Variants in VEZT observed in about 807,000 individuals in gnomAD.
The protein encoded by VEZT is vezatin, adherens junctions transmembrane protein.
In VEZT, 39 loss-of-function variants were observed where a neutral mutation model predicts 79.9. That is an observed-to-expected ratio of 0.49 (90% CI 0.38 to 0.64). The LOEUF is 0.64. Among genes scored for constraint, VEZT ranks in the 30% least tolerant of loss-of-function variants. The pLI is 0.00. For synonymous variants in VEZT, 325 were observed against 327.6 expected, an observed-to-expected ratio of 0.99 and a Z score of 0.09; for missense variants, 837 against 893.1, an observed-to-expected ratio of 0.94 and a Z score of 0.80.
intron 3 of VEZT, chr12:95,258,216 C>T (rs994693563): frequency 1.8e-5 from 8 of 455,688 alleles, no homozygotes; most frequent in Middle Eastern, 3.2e-4. Context: ...AGTGTCTTAT[C>T]GTCTACATAT....
chr12:95,241,088 T>TGCAGTGGCGCTATCTCAGCTGCAGC (rs2060948494), intron 1 of VEZT, among the ~76,000 whole-genome samples: 1 of 152,062 alleles, frequency 6.6e-6, no homozygotes, highest in Non-Finnish European at 1.5e-5. Flanking sequence ...CAGGCTGGAG[T>TGCAGTGGCGCTATCTCAGCTGCAGC]GCAGTGGCGC....
chr12:95,224,144 A>C lies in VEZT; in HGVS notation c.36+6258A>C, dbSNP rs187439887. On this transcript the variant is annotated intron_variant, in intron 1 of 11. Transcript: ENST00000436874. Reference sequence around the variant, plus strand: ...TTCCACCCTGATCATTATGGACTGCATCACTGCATTCCCTTGTCCTCTGGG... The same window carrying C: ...TTCCACCCTGATCATTATGGACTGCCTCACTGCATTCCCTTGTCCTCTGGG... 26 of 456,036 alleles carry C rather than the reference A, an allele frequency of 5.7e-5. 1 individual carries two copies. In the Admixed American group the frequency reaches 6.1e-4, roughly 11 times the overall value. The allele number at this position is 456,036 out of a possible 1,614,324, so 28.2% of individuals were successfully genotyped here. A position where few individuals can be genotyped will look rare whatever the true frequency, so the allele number is the denominator to read the frequency against.
chr12:95,237,309 A>G (rs116312579), intron 1 of VEZT, among the ~76,000 whole-genome samples: 7,060 of 152,246 alleles, frequency 0.046, 234 homozygotes, highest in Middle Eastern at 0.12. Flanking sequence ...AGGCTTGTAC[A>G]TAAAAAAAAA....
chr12:95,250,505 G>A (rs1477516529), intron 1 of VEZT, among the ~76,000 whole-genome samples: 2 of 151,644 alleles, frequency 1.3e-5, no homozygotes, highest in East Asian at 3.9e-4. Context: ...GTTTCACCAT[G>A]TTGGCCAGGC....
chr12:95,280,174 A>T (rs1225724633), intron 7 of VEZT, among the ~76,000 whole-genome samples: 1 of 152,112 alleles, frequency 6.6e-6, no homozygotes, highest in Non-Finnish European at 1.5e-5. Context: ...AGCAGACAGT[A>T]TGGGCCTGTT....
chr12:95,300,124 CTTAG>C, intron 11 of VEZT, 37 bp from the exon 12 acceptor site: 1 of 1,220,348 alleles, frequency 8.2e-7, no homozygotes, highest in Non-Finnish European at 1.1e-6. Context: ...TTGCTAGGTC[CTTAG>C]TTATTTTTTT....
chr12:95,253,985 T>A (rs2063038063), intron 2 of VEZT, among the ~76,000 whole-genome samples: 1 of 151,990 alleles, frequency 6.6e-6, no homozygotes, highest in Non-Finnish European at 1.5e-5. Flanking sequence ...TTTTATTTAT[T>A]TATTTATTTA....
intron 9 of VEZT, among the ~76,000 whole-genome samples, chr12:95,291,237 ATATGTGTGTGCGCATGTG>A (rs941712779): frequency 1.3e-5 from 2 of 152,166 alleles, no homozygotes; most frequent in Non-Finnish European, 2.9e-5. Context: ...TCTCAAAAAT[ATATGTGTGTGCGCATGTG>A]TATGTGTGTG....
chr12:95,231,554 TTTAA>T (rs1471908839), intron 1 of VEZT: 1 of 152,210 alleles, frequency 6.6e-6, no homozygotes, highest in Non-Finnish European at 1.5e-5. Context: ...CTGTGAGTAG[TTTAA>T]TTAGTTGGAC....
At chr12:95,237,600 G>A (rs961218592) in intron 1 of VEZT, among the ~76,000 whole-genome samples, 3 of 152,174 alleles carry the variant, frequency 2.0e-5, no homozygotes, top group African/African-American at 7.2e-5. Context: ...AGCCCCCATA[G>A]CCTTGGGAAA....
chr12:95,300,881 G>A lies in VEZT; in HGVS notation c.*208G>A, dbSNP rs1467312851. On this transcript the variant is annotated 3_prime_UTR_variant, in exon 12 of 12. Coordinates refer to ENST00000436874, the MANE Select transcript of VEZT (RefSeq NM_017599.4). ...TTTAGGAAAATAAGAGAAAGGTAAG[G>A]GCTCTTTTGAATAAACTGCTGTTTT... is the stretch of plus-strand genomic sequence containing the variant. 1 of 495,074 alleles carries A rather than the reference G, an allele frequency of 2.0e-6. No individual in the cohort carries two copies. Among genetic ancestry groups the A allele is most frequent in the Non-Finnish European group, 3.1e-6 (1 of 320,664 alleles). The allele number at this position is 495,074 out of a possible 1,614,324, so 30.7% of individuals were successfully genotyped here.
At chr12:95,252,183 T>G in intron 2 of VEZT, 112 bp downstream of exon 2, 1 of 1,156,330 alleles carries the variant, frequency 8.6e-7, no homozygotes, top group South Asian at 2.4e-5. Context: ...TAAGACTATT[T>G]ATTTCATCAA....
rs550561162 is a variant in VEZT at position 95,290,845 on chromosome 12, TAC to T, written c.1522+2992_1522+2993del. 75 of 152,254 alleles carry T rather than the reference TAC, an allele frequency of 4.9e-4. 1 individual carries two copies. The highest frequency in any genetic ancestry group is 1.8e-3 in the African/African-American group (73 of 41,540). The allele number at this position is 152,254 out of a possible 1,614,324, so 9.4% of individuals were successfully genotyped here. A position where few individuals can be genotyped will look rare whatever the true frequency, so the allele number is the denominator to read the frequency against. On this transcript the variant is annotated intron_variant, in intron 9 of 11. Coordinates refer to ENST00000436874, the MANE Select transcript of VEZT (RefSeq NM_017599.4). ...GTATGTATACACATATACATATATATACACATATATATCTACATATATATTGT... is the reference window on the plus strand; with the variant it reads ...GTATGTATACACATATACATATATATACATATATATCTACATATATATTGT...
At chr12:95,252,969 GA>G (rs63001761) in intron 2 of VEZT, among the ~76,000 whole-genome samples, 7 of 150,572 alleles carry the variant, frequency 4.6e-5, no homozygotes, top group African/African-American at 1.5e-4. Flanking sequence ...GTGTCTCAAA[GA>G]AAAAAAAATA....
intron 1 of VEZT, among the ~76,000 whole-genome samples, chr12:95,225,693 A>G (rs1041465690): frequency 1.4e-5 from 2 of 146,562 alleles, no homozygotes; most frequent in Non-Finnish European, 3.0e-5. Context: ...TGTGTTATCA[A>G]GAAGCTGGAG....
chr12:95,286,446 T>C, intron 8 of VEZT: 1 of 547,072 alleles, frequency 1.8e-6, no homozygotes, highest in Non-Finnish European at 3.7e-6. Flanking sequence ...GCAACATCAA[T>C]TCTTCACTGC....
At chr12:95,298,197 C>T (rs2074577405) in intron 11 of VEZT, among the ~76,000 whole-genome samples, 1 of 152,012 alleles carries the variant, frequency 6.6e-6, no homozygotes, top group African/African-American at 2.4e-5. Context: ...CTCCACCAAG[C>T]TGTCCTCTCT....
intron 1 of VEZT, 123 bp downstream of exon 1, chr12:95,218,009 C>G: frequency 9.9e-7 from 1 of 1,005,088 alleles, no homozygotes; most frequent in South Asian, 2.0e-5. Context: ...GCCTCGACCA[C>G]CGAACCCCAG....
intron 9 of VEZT, among the ~76,000 whole-genome samples, chr12:95,291,344 A>C (rs1399276575): frequency 6.6e-6 from 1 of 152,232 alleles, no homozygotes; most frequent in Non-Finnish European, 1.5e-5. Flanking sequence ...ACTAGCATAT[A>C]AGCATCACAT....
Sources: allele counts gnomAD v4.1 joint callset (sites outside exome capture counted in the v4.1 genomes callset), GRCh38; gene constraint gnomAD v4.1.1; transcripts MANE v1.5; gene names NCBI Gene and HGNC (gene_info 2026-07-23, HGNC 2026-07-21).